The following RASGEF1C variants were observed in gnomAD, a reference collection of about 807,000 sequenced individuals.
RASGEF1C encodes the protein RasGEF domain family member 1C.
RASGEF1C carries 27 observed loss-of-function variants against 58.1 expected under a neutral mutation model. That is an observed-to-expected ratio of 0.46 (90% CI 0.34 to 0.64). The LOEUF (loss-of-function observed/expected upper bound fraction) is 0.64, where lower values mean the gene tolerates loss of function less well. RASGEF1C is among the 30% of genes least tolerant of loss of function. The probability of loss-of-function intolerance (pLI) is 0.01; values close to 1 mark genes in which losing one functional copy is unlikely to be tolerated. For synonymous variants in RASGEF1C, 243 were observed against 246.3 expected (o/e 0.99, Z 0.13); for missense variants, 502 against 605.1 (o/e 0.83, Z 1.79).
rs1765765578 is a variant in RASGEF1C at position 180,100,817 on chromosome 5, G to C, written c.*684C>G. The C allele has an allele frequency of 6.6e-6, 1 of 152,610 alleles. No homozygotes were observed. Among genetic ancestry groups the C allele is most frequent in the African/African-American group, 2.4e-5 (1 of 41,458 alleles). 9.5% of individuals were successfully genotyped at this position (152,610 alleles called of 1,614,324 possible). A position where few individuals can be genotyped will look rare whatever the true frequency, so the allele number is the denominator to read the frequency against. On this transcript the variant is annotated 3_prime_UTR_variant, in exon 14 of 14. Coordinates refer to ENST00000361132, the MANE Select transcript of RASGEF1C (RefSeq NM_175062.4). ...GGATAGGCGTACGGGTGTGTTTATAGTGACTAGAGTTTACAAGGGGGCTGG... is the reference window on the plus strand; with the variant it reads ...GGATAGGCGTACGGGTGTGTTTATACTGACTAGAGTTTACAAGGGGGCTGG...
intron 4 of RASGEF1C, among the ~76,000 whole-genome samples, chr5:180,132,581 G>C (rs1396826349): frequency 6.6e-6 from 1 of 152,184 alleles, no homozygotes; most frequent in African/African-American, 2.4e-5. Flanking sequence ...CCCTCCATTG[G>C]TTTGTCCTCT....
chr5:180,112,508 TCAGA>T (rs974864027), intron 11 of RASGEF1C, among the ~76,000 whole-genome samples: 9 of 152,176 alleles, frequency 5.9e-5, no homozygotes, highest in Non-Finnish European at 8.8e-5. Context: ...AGACTGAGGC[TCAGA>T]CAGAGCAGTG....
At chr5:180,195,654 C>T (rs372951273) in intron 1 of RASGEF1C, among the ~76,000 whole-genome samples, 76 of 151,742 alleles carry the variant, frequency 5.0e-4, no homozygotes, top group African/African-American at 1.3e-3. Context: ...CCCAGCTACT[C>T]GGGAGGCTGA....
intron 1 of RASGEF1C, among the ~76,000 whole-genome samples, chr5:180,181,147 A>T (rs1561753668): frequency 6.6e-6 from 1 of 152,252 alleles, no homozygotes. Flanking sequence ...GCAGTCAGGC[A>T]GTGCCTCCCC....
intron 1 of RASGEF1C, among the ~76,000 whole-genome samples, chr5:180,170,955 G>C (rs1463966724): frequency 6.6e-6 from 1 of 152,222 alleles, no homozygotes; most frequent in Non-Finnish European, 1.5e-5. Flanking sequence ...GGAGAGTGGG[G>C]AGGAGGGGCT....
At chr5:180,132,036 A>C (rs1561738177) in intron 4 of RASGEF1C, among the ~76,000 whole-genome samples, 1 of 152,114 alleles carries the variant, frequency 6.6e-6, no homozygotes. Context: ...ACTCGTGGAT[A>C]GGAGCTTGGA....
chr5:180,200,504 G>C (rs1283331953), intron 1 of RASGEF1C, among the ~76,000 whole-genome samples: 3 of 151,410 alleles, frequency 2.0e-5, no homozygotes, highest in African/African-American at 7.3e-5. Context: ...TAGTAGAAAC[G>C]GGGTTTCACC....
At chr5:180,153,790 G>C (rs918290185) in intron 1 of RASGEF1C, among the ~76,000 whole-genome samples, 6 of 147,102 alleles carry the variant, frequency 4.1e-5, no homozygotes, top group Non-Finnish European at 6.0e-5. Context: ...ATAATGCATT[G>C]GACAGAACTT....
intron 1 of RASGEF1C, among the ~76,000 whole-genome samples, chr5:180,144,062 T>TA (rs1204268528): frequency 3.9e-5 from 6 of 152,244 alleles, no homozygotes; most frequent in Admixed American, 2.0e-4. Context: ...GTGCACGAAG[T>TA]ACCTCGCACA....
chr5:180,183,575 A>G (rs1303646698), intron 1 of RASGEF1C, among the ~76,000 whole-genome samples: 6 of 152,226 alleles, frequency 3.9e-5, no homozygotes, highest in Non-Finnish European at 2.9e-5. Context: ...CTGTAATCCC[A>G]GCACTTTGGA....
At chr5:180,114,752 G>A (rs1296986962) in intron 10 of RASGEF1C, among the ~76,000 whole-genome samples, 1 of 152,230 alleles carries the variant, frequency 6.6e-6, no homozygotes, top group African/African-American at 2.4e-5. Context: ...GGGCAATAAG[G>A]ACCCCAAAGA....
intron 10 of RASGEF1C, 139 bp downstream of exon 10, chr5:180,118,470 A>G: frequency 1.3e-6 from 1 of 760,846 alleles, no homozygotes; most frequent in South Asian, 1.8e-5. Flanking sequence ...TGAGTTCCCC[A>G]CGCTGGAGGC....
intron 1 of RASGEF1C, among the ~76,000 whole-genome samples, chr5:180,193,585 C>T (rs377493697): frequency 6.6e-6 from 1 of 152,130 alleles, no homozygotes; most frequent in African/African-American, 2.4e-5. Flanking sequence ...CACAAACCAA[C>T]AGAGTGAAGA....
intron 13 of RASGEF1C, 118 bp downstream of exon 13, chr5:180,101,953 G>A (rs1765792490): frequency 2.7e-6 from 2 of 732,930 alleles, no homozygotes; most frequent in South Asian, 3.6e-5. Context: ...TATCTCTGAA[G>A]CCCCTCGGCC....
chr5:180,122,318 C>G (rs549965330), intron 6 of RASGEF1C, among the ~76,000 whole-genome samples: 40 of 152,264 alleles, frequency 2.6e-4, no homozygotes, highest in Admixed American at 8.5e-4. Flanking sequence ...CCATGCCTTG[C>G]TATGCGAACC....
chr5:180,177,132 C>T lies in RASGEF1C; in HGVS notation c.-7+31896G>A, dbSNP rs1387927927. 6.6e-6 allele frequency among the ~76,000 whole-genome samples: 1 copy of T among 152,150 alleles called. No individual in the cohort carries two copies. The highest frequency in any genetic ancestry group is 2.4e-5 in the African/African-American group (1 of 41,438). On this transcript the variant is annotated intron_variant, in intron 1 of 13. Coordinates refer to ENST00000361132, the MANE Select transcript of RASGEF1C (RefSeq NM_175062.4). The surrounding 1 kb of genome is among the most constrained non-coding windows in gnomAD (Gnocchi z 5.0). ...AGGGTGAGAGGTGAGACTCTCAGAG[C>T]CTGACGGAGGGGCTGGATGAGGGGC...
At chr5:180,151,236 C>CAA (rs1766741031) in intron 1 of RASGEF1C, among the ~76,000 whole-genome samples, 1 of 152,088 alleles carries the variant, frequency 6.6e-6, no homozygotes, top group African/African-American at 2.4e-5. Flanking sequence ...CATATGGAAC[C>CAA]AAAAAAGACC....
At chr5:180,119,498 C>T (rs746746569) in intron 7 of RASGEF1C, 50 bp from the exon 8 acceptor site, 2 of 1,421,532 alleles carry the variant, frequency 1.4e-6, no homozygotes, top group South Asian at 2.3e-5. Flanking sequence ...CCACCCTGCC[C>T]TGATCAGGCC....
intron 1 of RASGEF1C, among the ~76,000 whole-genome samples, chr5:180,139,294 G>C (rs893892839): frequency 6.6e-6 from 1 of 152,222 alleles, no homozygotes; most frequent in Admixed American, 6.5e-5. Context: ...CTTGATCGTG[G>C]AGTCCTGCCA....
Sources: gnomAD v4.1 joint callset for allele counts (sites outside exome capture counted in the v4.1 genomes callset) on GRCh38, gnomAD v4.1.1 for gene constraint, Gnocchi (gnomAD v3.1) non-coding constraint, MANE v1.5 for transcripts, NCBI Gene and HGNC (gene_info 2026-07-23, HGNC 2026-07-21) for gene names.